MR1: variants seen among roughly 807,000 people sequenced by gnomAD.
MR1 encodes the protein major histocompatibility complex, class I-related.
Under a neutral mutation model 37.8 loss-of-function variants are expected in MR1, and 44 were observed. The ratio of observed to expected loss-of-function variants is 1.16; its 90% CI spans 0.91 to 1.50. The LOEUF (loss-of-function observed/expected upper bound fraction) is 1.50. Among genes scored for constraint, MR1 ranks in the 40% most tolerant of loss-of-function variants. The pLI is 0.00. For missense variants in MR1, 386 were observed against 419.1 expected (o/e 0.92, Z 0.69); for synonymous variants, 153 against 155.8 (o/e 0.98, Z 0.13).
chr1:181,052,258 C>G lies in MR1; in HGVS notation c.628C>G (p.Arg210Gly), dbSNP rs142428410. Residue 210 changes from arginine to glycine, a missense_variant, in exon 4 of 6, where the codon CGC becomes GGC. Transcript: ENST00000367580. ...RTEPPLVRVN[R>G]KETFPGVTAL... is the part of the protein sequence containing the mutation. ...AGAGCCCCCACTGGTCAGAGTAAATCGCAAAGAAACTTTTCCAGGGGTTAC... is the reference window on the plus strand; with the variant it reads ...AGAGCCCCCACTGGTCAGAGTAAATGGCAAAGAAACTTTTCCAGGGGTTAC... 5.0e-6 allele frequency: 8 copies of G among 1,614,138 alleles called. No homozygotes were observed. Among genetic ancestry groups the G allele is most frequent in the Non-Finnish European group, 5.9e-6 (7 of 1,180,010 alleles).
At chr1:181,053,716 T>C (rs1658454999) in intron 5 of MR1, 39 bp downstream of exon 5, 2 of 1,345,858 alleles carry the variant, frequency 1.5e-6, no homozygotes, top group African/African-American at 1.4e-5. Flanking sequence ...GGCTGCAGAC[T>C]CTCCTGCATC....
chr1:181,044,960 C>A (rs1232590100), intron 1 of MR1, among the ~76,000 whole-genome samples: 1 of 152,214 alleles, frequency 6.6e-6, no homozygotes, highest in Non-Finnish European at 1.5e-5. Flanking sequence ...CTCTGTGCCG[C>A]CCCATTCAGG....
intron 1 of MR1, 58 bp downstream of exon 1, chr1:181,034,132 A>G (rs1322761291): frequency 7.2e-6 from 11 of 1,536,086 alleles, no homozygotes. Context: ...CCTAGAAGGC[A>G]CAGCTTTTCT....
intron 4 of MR1, among the ~76,000 whole-genome samples, chr1:181,053,077 A>G (rs1658411905): frequency 6.6e-6 from 1 of 151,686 alleles, no homozygotes; most frequent in South Asian, 2.1e-4. Flanking sequence ...AAAAAACAAA[A>G]AAACAAAAAA....
At chr1:181,047,091 C>T (rs1207872133) in intron 1 of MR1, among the ~76,000 whole-genome samples, 1 of 152,178 alleles carries the variant, frequency 6.6e-6, no homozygotes, top group African/African-American at 2.4e-5. Context: ...ATAATGCCAC[C>T]TTGAAACCAC....
At chr1:181,043,713 A>G (rs1657693761) in intron 1 of MR1, among the ~76,000 whole-genome samples, 1 of 152,130 alleles carries the variant, frequency 6.6e-6, no homozygotes, top group South Asian at 2.1e-4. Flanking sequence ...ACACACACAC[A>G]TATGCACACA....
chr1:181,049,907 T>A (rs547857590), intron 2 of MR1, 104 bp from the exon 3 acceptor site: 1 of 1,354,274 alleles, frequency 7.4e-7, no homozygotes, highest in East Asian at 2.3e-5. Context: ...GGGGGTGACA[T>A]AATGTAGACC....
At chr1:181,040,855 A>G (rs1657517437) in intron 1 of MR1, among the ~76,000 whole-genome samples, 1 of 151,878 alleles carries the variant, frequency 6.6e-6, no homozygotes, top group Admixed American at 6.6e-5. Context: ...AGGCCAAGGC[A>G]GGGGGAATCA....
chr1:181,058,141 T>A lies in MR1; in HGVS notation c.*2876T>A, dbSNP rs1441087430. 1 of 152,256 alleles carries A rather than the reference T, an allele frequency of 6.6e-6. No homozygotes were observed. The highest frequency in any genetic ancestry group is 1.5e-5 in the Non-Finnish European group (1 of 68,050). The allele number at this position is 152,256 out of a possible 1,614,324, so 9.4% of individuals were successfully genotyped here. A position where few individuals can be genotyped will look rare whatever the true frequency, so the allele number is the denominator to read the frequency against. ...TATTGCTTCATTACTTCATGGTTGT[T>A]GAGTACAGATGCTCAGTAATCATAA... is the stretch of plus-strand genomic sequence containing the variant. On this transcript the variant is annotated 3_prime_UTR_variant, in exon 6 of 6. Transcript: ENST00000367580.
chr1:181,048,867 G>A (rs1358497006), intron 1 of MR1, among the ~76,000 whole-genome samples, 185 bp from the exon 2 acceptor site: 2 of 152,240 alleles, frequency 1.3e-5, no homozygotes, highest in Non-Finnish European at 2.9e-5. Context: ...CTGGTCTGGA[G>A]CTCTTACGTC....
chr1:181,035,336 CAAAA>C (rs999990886), intron 1 of MR1, among the ~76,000 whole-genome samples: 2 of 141,124 alleles, frequency 1.4e-5, no homozygotes, highest in African/African-American at 5.2e-5. Context: ...GACTCCATCT[CAAAA>C]AAAAAAAATC....
At chr1:181,034,197 T>C in intron 1 of MR1, 123 bp downstream of exon 1, 1 of 793,876 alleles carries the variant, frequency 1.3e-6, no homozygotes, top group Non-Finnish European at 1.9e-6. Context: ...GTGTATGTAT[T>C]ACACTCAGAC....
At chr1:181,044,259 G>A (rs919587384) in intron 1 of MR1, among the ~76,000 whole-genome samples, 3 of 152,088 alleles carry the variant, frequency 2.0e-5, no homozygotes, top group Non-Finnish European at 4.4e-5. Flanking sequence ...CACTGCGCCC[G>A]GCCTGATCTT....
chr1:181,042,306 G>A (rs1198573967), intron 1 of MR1, among the ~76,000 whole-genome samples: 12 of 150,508 alleles, frequency 8.0e-5, no homozygotes, highest in Admixed American at 7.3e-4. Flanking sequence ...AGGTTCAAGC[G>A]ATTCTCCTGC....
intron 1 of MR1, among the ~76,000 whole-genome samples, chr1:181,046,241 T>TCCACCTGCAGCC (rs1657859169): frequency 6.6e-6 from 1 of 152,232 alleles, no homozygotes; most frequent in Admixed American, 6.5e-5. Flanking sequence ...GGCAGGCAGC[T>TCCACCTGCAGCC]CCACCTGCAG....
chr1:181,054,849 G>C (rs1406171795), intron 5 of MR1, among the ~76,000 whole-genome samples: 2 of 152,002 alleles, frequency 1.3e-5, no homozygotes, highest in Non-Finnish European at 2.9e-5. Context: ...CAGCAAGAGC[G>C]AGACTCTGTC....
In MR1 at chr1:181,034,080, T is replaced by C. The variant is rs1200233359; in HGVS notation, c.67+6T>C. On this transcript the variant is annotated splice_donor_region_variant and intron_variant, in intron 1 of 5. Coordinates refer to ENST00000367580, the MANE Select transcript of MR1 (RefSeq NM_001385161.1). ...GGTGAAGCACAGCGATTCCCGTGAG[T>C]ATCCCACGTCCTCTTCTCTCCTAAC... 1 of 1,612,116 alleles carries C rather than the reference T, an allele frequency of 6.2e-7. No homozygotes were observed. Among genetic ancestry groups the C allele is most frequent in the Non-Finnish European group, 8.5e-7 (1 of 1,179,400 alleles).
At chr1:181,048,534 CA>C (rs200449698) in intron 1 of MR1, among the ~76,000 whole-genome samples, 434 of 141,998 alleles carry the variant, frequency 3.1e-3, no homozygotes, top group Middle Eastern at 7.0e-3. Flanking sequence ...GACTCCATCT[CA>C]AAAAAAAAAA....
chr1:181,043,194 C>T (rs1278365234), intron 1 of MR1, among the ~76,000 whole-genome samples: 1 of 152,190 alleles, frequency 6.6e-6, no homozygotes, highest in Non-Finnish European at 1.5e-5. Context: ...CAACCCAAGC[C>T]CTCACCCACC....
Sources: gnomAD v4.1 joint callset for allele counts (sites outside exome capture counted in the v4.1 genomes callset) on GRCh38, gnomAD v4.1.1 for gene constraint, MANE v1.5 for transcripts, NCBI Gene and HGNC (gene_info 2026-07-23, HGNC 2026-07-21) for gene names.